The following SUGCT variants were observed in gnomAD, a reference collection of about 807,000 sequenced individuals.
The protein encoded by SUGCT is succinyl-CoA:glutarate CoA-transferase.
Under a neutral mutation model 55.0 loss-of-function variants are expected in SUGCT, and 41 were observed. That is an observed-to-expected ratio of 0.74 (90% CI 0.58 to 0.97). The LOEUF (loss-of-function observed/expected upper bound fraction) is 0.97, where lower values mean the gene tolerates loss of function less well. Among genes scored for constraint, SUGCT ranks in the 50% least tolerant of loss-of-function variants. The pLI is 0.00. For synonymous variants in SUGCT, 187 were observed against 200.4 expected, an observed-to-expected ratio of 0.93 and a Z score of 0.56; for missense variants, 568 against 547.8, an observed-to-expected ratio of 1.04 and a Z score of -0.37.
At chr7:40,696,559 C>G (rs1266041827) in intron 12 of SUGCT, among the ~76,000 whole-genome samples, 3 of 152,130 alleles carry the variant, frequency 2.0e-5, no homozygotes, top group Non-Finnish European at 2.9e-5. Flanking sequence ...GTTTTCCTGC[C>G]CATCCTGTAG....
At chr7:40,780,187 A>G (rs1789663889) in intron 13 of SUGCT, among the ~76,000 whole-genome samples, 3 of 152,236 alleles carry the variant, frequency 2.0e-5, no homozygotes, top group East Asian at 1.9e-4. Flanking sequence ...TCTGGATGGG[A>G]ATCAGGTGCT....
chr7:40,303,276 C>T lies in SUGCT; in HGVS notation c.721-13484C>T, dbSNP rs555850352. Among the ~76,000 whole-genome samples, 24 of 152,138 alleles carry T rather than the reference C, an allele frequency of 1.6e-4. 1 individual carries two copies. In the South Asian group the frequency reaches 3.1e-3, roughly 20 times the overall value. On this transcript the variant is annotated intron_variant, in intron 8 of 13. Transcript: ENST00000335693. ...CTTGGACTCCTGACCTCAGGTGATCCGCCTGCCTCGGCCTCCCAAAGTGCT... is the reference window on the plus strand; with the variant it reads ...CTTGGACTCCTGACCTCAGGTGATCTGCCTGCCTCGGCCTCCCAAAGTGCT...
intron 11 of SUGCT, among the ~76,000 whole-genome samples, chr7:40,474,728 T>C (rs928687454): frequency 5.3e-5 from 8 of 152,198 alleles, no homozygotes; most frequent in Non-Finnish European, 1.5e-5. Flanking sequence ...ATGGTAGCAT[T>C]GAAGCTTGAA....
chr7:40,342,207 G>A (rs890852702), intron 9 of SUGCT, among the ~76,000 whole-genome samples: 5 of 152,158 alleles, frequency 3.3e-5, no homozygotes, highest in Non-Finnish European at 7.4e-5. Flanking sequence ...CTCTCTAATT[G>A]TCATTAGTGA....
the SUGCT span, among the ~76,000 whole-genome samples, chr7:41,013,121 C>G: frequency 6.6e-6 from 1 of 151,866 alleles, no homozygotes; most frequent in Admixed American, 6.6e-5. Context: ...AGTTTTGTCC[C>G]ACACACTCTG....
chr7:40,955,089 T>G, the SUGCT span, among the ~76,000 whole-genome samples: 1 of 152,214 alleles, frequency 6.6e-6, no homozygotes, highest in African/African-American at 2.4e-5. Flanking sequence ...CCAGCTTTGT[T>G]CTTTTTGCTT....
intron 9 of SUGCT, among the ~76,000 whole-genome samples, chr7:40,415,060 AAATCTATCTATCTATCTATCT>A (rs1188424343): frequency 7.2e-5 from 6 of 83,084 alleles, no homozygotes; most frequent in East Asian, 6.8e-4. Context: ...AAAAAAAAAA[AAATCTATCTATCTATCTATCT>A]ATCTATCTAT....
At chr7:40,582,888 C>G (rs371670030) in intron 12 of SUGCT, among the ~76,000 whole-genome samples, 18 of 152,110 alleles carry the variant, frequency 1.2e-4, no homozygotes, top group East Asian at 5.8e-4. Context: ...AGGGCATTTT[C>G]TATAATAGTA....
chr7:40,927,404 A>G, the SUGCT span, among the ~76,000 whole-genome samples: 1 of 152,296 alleles, frequency 6.6e-6, no homozygotes, highest in Non-Finnish European at 1.5e-5. Context: ...GAACTATACA[A>G]TATCCTCTGC....
the SUGCT span, among the ~76,000 whole-genome samples, chr7:41,013,300 T>G: frequency 6.6e-6 from 1 of 152,186 alleles, no homozygotes; most frequent in Non-Finnish European, 1.5e-5. Context: ...TGGTACCGCG[T>G]TCTTCTTAGT....
At chr7:41,016,687 A>G in the SUGCT span, among the ~76,000 whole-genome samples, 6 of 152,292 alleles carry the variant, frequency 3.9e-5, no homozygotes, top group African/African-American at 1.2e-4. Context: ...CCAGATGTCA[A>G]CTGGGTCTCT....
intron 13 of SUGCT, among the ~76,000 whole-genome samples, chr7:40,796,998 T>C (rs1036331424): frequency 6.6e-6 from 1 of 152,144 alleles, no homozygotes; most frequent in African/African-American, 2.4e-5. Context: ...CAGGGTTGAC[T>C]GGGATATGAA....
At chr7:41,019,697 C>T in the SUGCT span, among the ~76,000 whole-genome samples, 1 of 152,218 alleles carries the variant, frequency 6.6e-6, no homozygotes, top group African/African-American at 2.4e-5. Context: ...CTCACAACCC[C>T]AGCTAAGGCT....
intron 13 of SUGCT, among the ~76,000 whole-genome samples, chr7:40,778,974 C>T (rs1005349154): frequency 2.6e-5 from 4 of 152,168 alleles, no homozygotes; most frequent in Non-Finnish European, 4.4e-5. Context: ...TTGACCACAA[C>T]ACCCCAGCCT....
At chr7:40,898,175 G>A in the SUGCT span, among the ~76,000 whole-genome samples, 4 of 152,268 alleles carry the variant, frequency 2.6e-5, no homozygotes, top group East Asian at 7.7e-4. Context: ...TAAGTCGGGA[G>A]GACTGAACAA....
In SUGCT at chr7:40,316,802, C is replaced by A; in HGVS notation, c.763C>A (p.Gln255Lys). ...SHIAANYLIGQKEAKRWGTAH... is the reference protein window; with the variant it reads ...SHIAANYLIGKKEAKRWGTAH... The stretch of plus-strand genomic sequence containing the variant: ...CATAGCTGCAAATTATCTTATTGGT[C>A]AAAAGGAAGCAAAACGTTGGGGTAC... The change falls in exon 9 of 14, where the codon CAA becomes AAA. Residue 255 changes from glutamine (Q) to lysine (K), a missense_variant. Transcript: ENST00000335693. The A allele has an allele frequency of 1.2e-6, 2 of 1,602,282 alleles. No individual in the cohort carries two copies. The highest frequency in any genetic ancestry group is 1.1e-5 in the South Asian group (1 of 88,514).
the SUGCT span, among the ~76,000 whole-genome samples, chr7:40,897,973 G>A: frequency 6.6e-6 from 1 of 152,182 alleles, no homozygotes; most frequent in African/African-American, 2.4e-5. Context: ...CAGGCCACCT[G>A]CGCCAACAGT....
At chr7:40,296,864 G>A (rs543029332) in intron 8 of SUGCT, among the ~76,000 whole-genome samples, 48 of 152,128 alleles carry the variant, frequency 3.2e-4, no homozygotes, top group Middle Eastern at 6.8e-3. Context: ...TAGTGGTTAG[G>A]AGCATGGACT....
the SUGCT span, among the ~76,000 whole-genome samples, chr7:40,974,160 C>A: frequency 2.6e-5 from 4 of 152,206 alleles, no homozygotes; most frequent in African/African-American, 9.7e-5. Context: ...AAAAGTGACT[C>A]TATTTTTCTT....
Sources: gnomAD v4.1 joint callset for allele counts (sites outside exome capture counted in the v4.1 genomes callset) on GRCh38, gnomAD v4.1.1 for gene constraint, MANE v1.5 for transcripts, NCBI Gene and HGNC (gene_info 2026-07-23, HGNC 2026-07-21) for gene names.